SCN9A: variants seen among roughly 807,000 people sequenced by gnomAD.
The protein encoded by SCN9A is sodium channel protein type 9 subunit alpha.
Under a neutral mutation model 187.0 loss-of-function variants are expected in SCN9A, and 131 were observed. The observed-to-expected ratio is 0.70, with a 90% confidence interval of 0.61 to 0.81. The LOEUF is 0.81. SCN9A is among the 30% of genes least tolerant of loss of function. The pLI is 0.00. For missense variants in SCN9A, 2,252 were observed against 2,396.6 expected (o/e 0.94, Z 1.26); for synonymous variants, 809 against 808.6 (o/e 1.00, Z -0.01).
intron 18 of SCN9A, among the ~76,000 whole-genome samples, chr2:166,244,670 G>A (rs1001336581): frequency 4.0e-5 from 6 of 151,758 alleles, no homozygotes. Context: ...TATACTATTG[G>A]GCTACTGTGC....
intron 18 of SCN9A, among the ~76,000 whole-genome samples, chr2:166,250,234 T>C (rs972241128): frequency 6.6e-6 from 1 of 152,128 alleles, no homozygotes; most frequent in African/African-American, 2.4e-5. Flanking sequence ...AGCAAGTCGA[T>C]GATTTTTCAA....
chr2:166,347,727 G>T (rs1051083198), intron 1 of SCN9A, among the ~76,000 whole-genome samples: 1 of 152,022 alleles, frequency 6.6e-6, no homozygotes, highest in Non-Finnish European at 1.5e-5. Flanking sequence ...ATGATGACAC[G>T]GAAAACAAAT....
At chr2:166,360,687 G>A (rs946432539) in intron 1 of SCN9A, among the ~76,000 whole-genome samples, 17 of 152,136 alleles carry the variant, frequency 1.1e-4, no homozygotes, top group African/African-American at 3.4e-4. Flanking sequence ...ATAAATGAAA[G>A]AGAGAAATAT....
intron 11 of SCN9A, among the ~76,000 whole-genome samples, chr2:166,285,820 A>C (rs967218223): frequency 6.6e-6 from 1 of 152,014 alleles, no homozygotes; most frequent in Non-Finnish European, 1.5e-5. Context: ...GGGAAAGAGA[A>C]CTTCCACATA....
intron 24 of SCN9A, 55 bp downstream of exon 24, chr2:166,226,512 T>C: frequency 8.2e-7 from 1 of 1,222,518 alleles, no homozygotes; most frequent in Admixed American, 2.7e-5. Context: ...TTATCTTTTT[T>C]GGAAAATAAT....
intron 17 of SCN9A, among the ~76,000 whole-genome samples, chr2:166,258,970 T>C (rs1696393980): frequency 6.6e-6 from 1 of 151,678 alleles, no homozygotes; most frequent in Admixed American, 6.6e-5. Context: ...TCAATAAAAA[T>C]CTACAGATCA....
At chr2:166,251,181 C>T (rs1696019722) in intron 18 of SCN9A, among the ~76,000 whole-genome samples, 2 of 151,910 alleles carry the variant, frequency 1.3e-5, no homozygotes, top group African/African-American at 4.8e-5. Flanking sequence ...CATGAAACAC[C>T]TCAGAGCTTC....
chr2:166,297,863 G>A (rs779756582), intron 7 of SCN9A, among the ~76,000 whole-genome samples: 12 of 151,988 alleles, frequency 7.9e-5, no homozygotes, highest in African/African-American at 1.7e-4. Flanking sequence ...ACTAAAATAC[G>A]TATGGGGAAA....
intron 17 of SCN9A, among the ~76,000 whole-genome samples, chr2:166,271,868 A>G (rs1289131256): frequency 6.6e-6 from 1 of 151,732 alleles, no homozygotes; most frequent in Non-Finnish European, 1.5e-5. Context: ...GTTTTTTAAA[A>G]AAAAGAAGAG....
At chr2:166,217,402 A>C (rs1694381089) in intron 24 of SCN9A, among the ~76,000 whole-genome samples, 1 of 152,086 alleles carries the variant, frequency 6.6e-6, no homozygotes, top group African/African-American at 2.4e-5. Context: ...CAAACGAAGC[A>C]ATAACAGAGT....
At chr2:166,300,437 T>G (rs1210419607) in intron 7 of SCN9A, among the ~76,000 whole-genome samples, 1 of 151,026 alleles carries the variant, frequency 6.6e-6, no homozygotes, top group African/African-American at 2.5e-5. Context: ...TGCCATCACC[T>G]CAGAGATGTC....
At chr2:166,309,014 G>A (rs1169465134) in intron 2 of SCN9A, among the ~76,000 whole-genome samples, 1 of 151,126 alleles carries the variant, frequency 6.6e-6, no homozygotes, top group Admixed American at 6.6e-5. Context: ...CAAAAATAAG[G>A]CATGAGTTTT....
At chr2:166,279,954 C>A (rs1424060647) in intron 14 of SCN9A, among the ~76,000 whole-genome samples, 1 of 152,102 alleles carries the variant, frequency 6.6e-6, no homozygotes, top group African/African-American at 2.4e-5. Context: ...GACCCAAACA[C>A]TTCACTACTA....
chr2:166,315,855 T>C (rs1420492195), intron 1 of SCN9A, among the ~76,000 whole-genome samples: 2 of 152,214 alleles, frequency 1.3e-5, no homozygotes, highest in Admixed American at 6.5e-5. Context: ...CTTAGTCTTC[T>C]GGATAAACAG....
chr2:166,313,115 AAAT>A (rs1363165023), intron 1 of SCN9A, among the ~76,000 whole-genome samples: 8 of 150,068 alleles, frequency 5.3e-5, no homozygotes, highest in African/African-American at 1.9e-4. Flanking sequence ...TCTGAATAGT[AAAT>A]AATATAATTA....
intron 21 of SCN9A, among the ~76,000 whole-genome samples, chr2:166,233,027 C>T (rs908932677): frequency 1.4e-5 from 2 of 146,018 alleles, no homozygotes; most frequent in Non-Finnish European, 3.0e-5. Context: ...ATATAATATG[C>T]ATATATACTA....
At chr2:166,282,411 AG>A (rs2106479536) in intron 12 of SCN9A, among the ~76,000 whole-genome samples, 1 of 152,308 alleles carries the variant, frequency 6.6e-6, no homozygotes, top group Admixed American at 6.5e-5. Flanking sequence ...CATCTGAAAG[AG>A]GTGACCTCTC....
At chr2:166,249,919 T>C (rs560774690) in intron 18 of SCN9A, among the ~76,000 whole-genome samples, 2 of 152,128 alleles carry the variant, frequency 1.3e-5, no homozygotes, top group South Asian at 4.1e-4. Context: ...CAAATTTAAG[T>C]CTATATACTG....
At position 166,277,191 on chromosome 2, in the gene SCN9A, C is replaced by A. The variant is rs757747933; in HGVS notation, c.2666G>T (p.Gly889Val). 6.2e-7 allele frequency: 1 copy of A among 1,614,042 alleles called. No individual in the cohort carries two copies. Among genetic ancestry groups the A allele is most frequent in the Non-Finnish European group, 8.5e-7 (1 of 1,179,976 alleles). Reference protein sequence around the residue: ...IFAVVGMQLFGKSYKECVCKI... With the variant: ...IFAVVGMQLFVKSYKECVCKI... ...GCAGACACATTCTTTGTAGCTCTTA[C>A]CAAAGAGCTGCATGCCGACCACAGC... The change falls in exon 16 of 27, where the codon GGT becomes GTT. Residue 889 changes from glycine to valine, a missense_variant. Coordinates refer to ENST00000642356, the MANE Select transcript of SCN9A (RefSeq NM_001365536.1).
Sources: allele counts gnomAD v4.1 joint callset (sites outside exome capture counted in the v4.1 genomes callset), GRCh38; gene constraint gnomAD v4.1.1; transcripts MANE v1.5; gene names NCBI Gene and HGNC (gene_info 2026-07-23, HGNC 2026-07-21).